Variants in FAM209A observed in about 807,000 individuals in gnomAD.
FAM209A encodes protein FAM209A.
Under a neutral mutation model 9.8 loss-of-function variants are expected in FAM209A, and 4 were observed. The ratio of observed to expected loss-of-function variants is 0.41; its 90% CI spans 0.20 to 0.94. The LOEUF (loss-of-function observed/expected upper bound fraction) is 0.94. FAM209A is among the 40% of genes least tolerant of loss of function. The pLI, the probability that FAM209A is intolerant of heterozygous loss-of-function variation, is 0.32. For missense variants in FAM209A, 205 were observed against 209.4 expected (o/e 0.98, Z 0.13); for synonymous variants, 55 against 77.8 (o/e 0.71, Z 1.54).
the FAM209A span, among the ~76,000 whole-genome samples, chr20:56,532,296 A>C: frequency 6.6e-6 from 1 of 151,830 alleles, no homozygotes; most frequent in South Asian, 2.1e-4. Context: ...TCTTAACCCA[A>C]GGCAGGCACA....
downstream of FAM209A, among the ~76,000 whole-genome samples, chr20:56,527,604 A>C (rs1447439695): frequency 1.2e-4 from 18 of 152,228 alleles, no homozygotes; most frequent in Non-Finnish European, 2.5e-4. Context: ...CCTCACAAGC[A>C]TCAAAGTCAC....
chr20:56,531,134 T>C (rs1042226862), downstream of FAM209A, among the ~76,000 whole-genome samples: 3 of 152,118 alleles, frequency 2.0e-5, no homozygotes, highest in South Asian at 6.2e-4. Context: ...ACTTGGGGGA[T>C]TCAGCCCCTT....
chr20:56,531,305 T>G, the FAM209A span, among the ~76,000 whole-genome samples: 1 of 151,264 alleles, frequency 6.6e-6, no homozygotes, highest in South Asian at 2.1e-4. Flanking sequence ...CTTTGTTTTT[T>G]TTTTTTTTTT....
In FAM209A at chr20:56,526,098, A is replaced by G. The variant is rs574482528; in HGVS notation, c.*28A>G. The G allele has an allele frequency of 3.3e-4, 507 of 1,547,156 alleles. 4 individuals carry two copies. In the South Asian group the frequency reaches 5.2e-3, roughly 16 times the overall value. On this transcript the variant is annotated 3_prime_UTR_variant, in exon 2 of 2. Transcript: ENST00000371328. The stretch of plus-strand genomic sequence containing the variant: ...GGATTTGTGTGTCAGGAGAGAAAAA[A>G]GTTGAGTGTTGACAAACTGTATGCA...
At chr20:56,525,319 T>C (rs977448128) in intron 1 of FAM209A, among the ~76,000 whole-genome samples, 3 of 152,182 alleles carry the variant, frequency 2.0e-5, no homozygotes, top group African/African-American at 7.2e-5. Context: ...TTTTTTCAAA[T>C]GTAGGATAGA....
chr20:56,530,029 A>G (rs971969831), downstream of FAM209A, among the ~76,000 whole-genome samples: 1 of 151,936 alleles, frequency 6.6e-6, no homozygotes, highest in Admixed American at 6.6e-5. Context: ...TCAAAACAAC[A>G]ACGACAACAA....
At chr20:56,532,281 T>A in the FAM209A span, among the ~76,000 whole-genome samples, 2 of 151,868 alleles carry the variant, frequency 1.3e-5, no homozygotes, top group Admixed American at 6.6e-5. Flanking sequence ...GGCTCCAAAG[T>A]ATACTCTTAA....
downstream of FAM209A, among the ~76,000 whole-genome samples, chr20:56,530,663 ATT>A (rs34007542): frequency 1.0e-4 from 14 of 138,196 alleles, no homozygotes; most frequent in African/African-American, 1.9e-4. Context: ...CACTCAGCTA[ATT>A]TTTTTTTTTT....
chr20:56,532,474 CTT>C, the FAM209A span, among the ~76,000 whole-genome samples: 3 of 130,872 alleles, frequency 2.3e-5, no homozygotes, highest in African/African-American at 8.8e-5. Context: ...CTTTCTTTTT[CTT>C]TTTCTTTTTT....
the FAM209A span, chr20:56,533,475 G>C: frequency 6.2e-7 from 1 of 1,614,110 alleles, no homozygotes; most frequent in Non-Finnish European, 8.5e-7. Flanking sequence ...TTTCGGATTC[G>C]GCAGAACCTA....
chr20:56,532,480 C>CTT, the FAM209A span, among the ~76,000 whole-genome samples: 1,503 of 108,132 alleles, frequency 0.014, 173 homozygotes, highest in East Asian at 0.31. Context: ...TTTTCTTTTT[C>CTT]TTTTTTTTTT....
the FAM209A span, among the ~76,000 whole-genome samples, chr20:56,532,685 C>T: frequency 1.3e-5 from 2 of 151,598 alleles, no homozygotes; most frequent in Non-Finnish European, 2.9e-5. Flanking sequence ...GGTTTCACCA[C>T]GTTGGACAGG....
chr20:56,525,426 C>T (rs1600846929), intron 1 of FAM209A, among the ~76,000 whole-genome samples: 1 of 152,130 alleles, frequency 6.6e-6, no homozygotes, highest in Non-Finnish European at 1.5e-5. Flanking sequence ...GTTTGACTTA[C>T]TACAAAATCC....
At chr20:56,529,240 G>A (rs761009278), downstream of FAM209A, among the ~76,000 whole-genome samples, 48 of 151,504 alleles carry the variant, frequency 3.2e-4, no homozygotes, top group Non-Finnish European at 5.7e-4. Flanking sequence ...TCTTAGGCTG[G>A]GTGTGGTGGC....
downstream of FAM209A, among the ~76,000 whole-genome samples, chr20:56,527,869 G>C (rs529346154): frequency 2.6e-5 from 4 of 152,342 alleles, no homozygotes; most frequent in East Asian, 5.8e-4. Flanking sequence ...CACTTTGGGA[G>C]GCCAAGGTGG....
At chr20:56,529,713 C>G (rs778929156), downstream of FAM209A, among the ~76,000 whole-genome samples, 2 of 152,070 alleles carry the variant, frequency 1.3e-5, no homozygotes, top group Admixed American at 6.5e-5. Context: ...CCTGTAATCC[C>G]AGCTACTCAG....
downstream of FAM209A, among the ~76,000 whole-genome samples, chr20:56,528,564 G>A (rs1218778927): frequency 6.6e-6 from 1 of 151,918 alleles, no homozygotes; most frequent in Non-Finnish European, 1.5e-5. Context: ...TTGCACCACT[G>A]CATTCCAGCC....
downstream of FAM209A, among the ~76,000 whole-genome samples, chr20:56,526,636 A>G (rs1429454122): frequency 2.1e-4 from 32 of 151,774 alleles, no homozygotes; most frequent in Admixed American, 3.9e-4. Context: ...ACATTTGTCA[A>G]TAATTGGATT....
chr20:56,530,663 A>ATTTTT (rs34007542), downstream of FAM209A, among the ~76,000 whole-genome samples: 1 of 138,226 alleles, frequency 7.2e-6, no homozygotes, highest in African/African-American at 2.7e-5. Context: ...CACTCAGCTA[A>ATTTTT]TTTTTTTTTT....
Sources: allele counts gnomAD v4.1 joint callset (sites outside exome capture counted in the v4.1 genomes callset), GRCh38; gene constraint gnomAD v4.1.1; transcripts MANE v1.5; gene names NCBI Gene and HGNC (gene_info 2026-07-23, HGNC 2026-07-21).